Variants in KAZN observed in about 807,000 individuals in gnomAD.
KAZN encodes kazrin, periplakin interacting protein.
A neutral mutation model predicts 87.4 loss-of-function variants in KAZN; 40 were observed. The ratio of observed to expected loss-of-function variants is 0.46; its 90% CI spans 0.36 to 0.60. The LOEUF (loss-of-function observed/expected upper bound fraction) is 0.60, where lower values mean the gene tolerates loss of function less well. Ranked by LOEUF, KAZN falls within the 20% of genes least tolerant of loss-of-function variation. The pLI is 0.00. For synonymous variants in KAZN, 466 were observed against 458.3 expected, an observed-to-expected ratio of 1.02 and a Z score of -0.22; for missense variants, 898 against 1,073.9, an observed-to-expected ratio of 0.84 and a Z score of 2.29.
At chr1:15,003,378 G>T (rs574100380) in intron 2 of KAZN, among the ~76,000 whole-genome samples, 1 of 152,248 alleles carries the variant, frequency 6.6e-6, no homozygotes, top group South Asian at 2.1e-4. Context: ...CATCCCTTTG[G>T]GGGCCATGAA....
chr1:14,040,105 CAGAG>C (rs373788437), intron 1 of KAZN, among the ~76,000 whole-genome samples: 26,895 of 150,468 alleles, frequency 0.18, 2,833 homozygotes, highest in Non-Finnish European at 0.24. Context: ...GAGAGAGAGA[CAGAG>C]AGAGAGAGGT....
chr1:13,908,175 AG>A (rs1238159085), intron 1 of KAZN, among the ~76,000 whole-genome samples: 2 of 152,350 alleles, frequency 1.3e-5, no homozygotes, highest in East Asian at 3.9e-4. Context: ...GTTTATTTTT[AG>A]TTACATCAGA....
intron 2 of KAZN, among the ~76,000 whole-genome samples, chr1:14,382,987 CCTGA>C (rs1055267979): frequency 6.6e-6 from 1 of 150,642 alleles, no homozygotes; most frequent in Non-Finnish European, 1.5e-5. Context: ...CCTGTTGTTT[CCTGA>C]CTTTTTAATG....
Position 14,105,020 on chromosome 1 carries a change from T to A in KAZN, c.92-75415T>A, listed in dbSNP as rs551622385. ...TCTCCCTTATCTGTGGAGGGTGGTCTTGTTGGAACTCTCATAAGCGCTGGA... is the reference window on the plus strand; with the variant it reads ...TCTCCCTTATCTGTGGAGGGTGGTCATGTTGGAACTCTCATAAGCGCTGGA... On this transcript the variant is annotated intron_variant, in intron 1 of 16. Transcript: ENST00000636203. 2.6e-5 allele frequency among the ~76,000 whole-genome samples: 4 copies of A among 152,300 alleles called. No homozygotes were observed. In the East Asian group the frequency reaches 7.7e-4, roughly 29 times the overall value.
chr1:15,081,198 G>A lies in KAZN; in HGVS notation c.1223-12982G>A, dbSNP rs1639988900. 6.6e-6 allele frequency among the ~76,000 whole-genome samples: 1 copy of A among 152,120 alleles called. No individual in the cohort carries two copies. Among genetic ancestry groups the A allele is most frequent in the South Asian group, 2.1e-4 (1 of 4,824 alleles). On this transcript the variant is annotated intron_variant, in intron 8 of 14. Coordinates refer to ENST00000376030, the MANE Select transcript of KAZN (RefSeq NM_201628.3). The surrounding 1 kb of genome is among the most constrained non-coding windows in gnomAD (Gnocchi z 4.1). ...CAATACTTAGAGGGCTCATTCAATT[G>A]CAGGCAGTGCTGGGCCAGGGCTGGC...
intron 1 of KAZN, among the ~76,000 whole-genome samples, chr1:14,149,431 T>C (rs80119609): frequency 2.4e-3 from 360 of 152,176 alleles, no homozygotes; most frequent in Non-Finnish European, 3.1e-3. Flanking sequence ...AATCTCCTTC[T>C]TTTAGGTGCA....
At chr1:14,296,677 C>T (rs1259483546) in intron 2 of KAZN, among the ~76,000 whole-genome samples, 1 of 143,638 alleles carries the variant, frequency 7.0e-6, no homozygotes, top group Non-Finnish European at 1.5e-5. Flanking sequence ...GCTCTGTCAC[C>T]CAGGCTGTAG....
intron 2 of KAZN, among the ~76,000 whole-genome samples, chr1:14,515,967 C>T (rs1671277587): frequency 6.6e-6 from 1 of 152,096 alleles, no homozygotes; most frequent in Non-Finnish European, 1.5e-5. Flanking sequence ...CTTCTTTACT[C>T]CTTCTTTACT....
At chr1:14,884,973 C>A (rs764705757) in intron 1 of KAZN, among the ~76,000 whole-genome samples, 21 of 152,180 alleles carry the variant, frequency 1.4e-4, no homozygotes, top group Non-Finnish European at 8.8e-5. Flanking sequence ...TCACGGAACA[C>A]GTATCGTAAT....
intron 1 of KAZN, among the ~76,000 whole-genome samples, chr1:14,054,531 GGTTTTCCT>G (rs1642469855): frequency 6.6e-6 from 1 of 152,170 alleles, no homozygotes; most frequent in African/African-American, 2.4e-5. Flanking sequence ...TATTTACTAA[GGTTTTCCT>G]AGGGGCTAAA....
At chr1:15,005,746 C>T (rs1038227507) in intron 2 of KAZN, among the ~76,000 whole-genome samples, 3 of 152,000 alleles carry the variant, frequency 2.0e-5, no homozygotes, top group Non-Finnish European at 2.9e-5. Flanking sequence ...TGAGATCGTG[C>T]CACTGCACTC....
At chr1:14,912,972 A>G (rs995268497) in intron 1 of KAZN, among the ~76,000 whole-genome samples, 1 of 152,136 alleles carries the variant, frequency 6.6e-6, no homozygotes, top group Non-Finnish European at 1.5e-5. Context: ...TGACTGGCCC[A>G]CAGTAAATGG....
chr1:14,838,676 A>T (rs1236229744), intron 1 of KAZN, among the ~76,000 whole-genome samples: 2 of 152,108 alleles, frequency 1.3e-5, no homozygotes, highest in Non-Finnish European at 2.9e-5. Context: ...CCTGGAGTGC[A>T]TTGGTGGGAT....
At chr1:14,020,264 G>A (rs1038527785) in intron 1 of KAZN, among the ~76,000 whole-genome samples, 1 of 152,188 alleles carries the variant, frequency 6.6e-6, no homozygotes, top group Non-Finnish European at 1.5e-5. Context: ...GTGTGGCCCA[G>A]TTCCTAACAG....
intron 2 of KAZN, among the ~76,000 whole-genome samples, chr1:14,456,294 A>G (rs1667562726): frequency 6.6e-6 from 1 of 152,192 alleles, no homozygotes; most frequent in African/African-American, 2.4e-5. Flanking sequence ...CATGTTCATT[A>G]AAGTCTTTTC....
At chr1:14,058,782 G>T (rs1053596334) in intron 1 of KAZN, among the ~76,000 whole-genome samples, 3 of 152,184 alleles carry the variant, frequency 2.0e-5, no homozygotes, top group Non-Finnish European at 2.9e-5. Context: ...GTTGCAAAAG[G>T]TCTCTCTGAG....
At chr1:14,420,360 A>G (rs779711315) in intron 2 of KAZN, among the ~76,000 whole-genome samples, 1 of 152,102 alleles carries the variant, frequency 6.6e-6, no homozygotes. Context: ...GCATTTACAA[A>G]CCTTGAGCTA....
At chr1:14,757,689 C>T (rs1023606753) in intron 1 of KAZN, among the ~76,000 whole-genome samples, 1 of 152,128 alleles carries the variant, frequency 6.6e-6, no homozygotes, top group African/African-American at 2.4e-5. Context: ...AATAGTTTGT[C>T]GCAGTAGTCC....
intron 8 of KAZN, among the ~76,000 whole-genome samples, chr1:15,079,152 G>A (rs946896986): frequency 2.6e-5 from 4 of 152,200 alleles, no homozygotes; most frequent in African/African-American, 2.4e-5. Context: ...TTCCTGTCCC[G>A]GTGTGCAAAT....
Sources: allele counts gnomAD v4.1 joint callset (sites outside exome capture counted in the v4.1 genomes callset), GRCh38; gene constraint gnomAD v4.1.1; non-coding constraint Gnocchi (gnomAD v3.1); transcripts MANE v1.5; gene names NCBI Gene and HGNC (gene_info 2026-07-23, HGNC 2026-07-21).